The following STPG2 variants were observed in gnomAD, a reference collection of about 807,000 sequenced individuals.
STPG2 encodes the protein sperm-tail PG-rich repeat-containing protein 2.
In STPG2, 56 loss-of-function variants were observed where a neutral mutation model predicts 54.2. The ratio of observed to expected loss-of-function variants is 1.03; its 90% CI spans 0.83 to 1.29. STPG2 has a LOEUF of 1.29. STPG2 is among the 50% of genes most tolerant of loss of function. The pLI, the probability that STPG2 is intolerant of heterozygous loss-of-function variation, is 0.00. For missense variants in STPG2, 596 were observed against 544.9 expected (o/e 1.09, Z -0.93); for synonymous variants, 200 against 181.8 (o/e 1.10, Z -0.81).
At chr4:97,736,992 G>A (rs111701490) in intron 9 of STPG2, among the ~76,000 whole-genome samples, 2,798 of 152,194 alleles carry the variant, frequency 0.018, 75 homozygotes, top group African/African-American at 0.064. Context: ...TCACACGGCC[G>A]GGTACTCCTC....
intron 10 of STPG2, among the ~76,000 whole-genome samples, chr4:97,560,228 ACT>A (rs1457260772): frequency 2.0e-5 from 3 of 152,110 alleles, no homozygotes; most frequent in East Asian, 1.9e-4. Flanking sequence ...TCGGAAAATT[ACT>A]CTGTTTCCTA....
At chr4:97,659,166 G>A (rs989478367) in intron 10 of STPG2, among the ~76,000 whole-genome samples, 2 of 152,074 alleles carry the variant, frequency 1.3e-5, no homozygotes, top group African/African-American at 2.4e-5. Flanking sequence ...ACTTCTCCAG[G>A]AATCAAGATG....
intron 5 of STPG2, among the ~76,000 whole-genome samples, chr4:98,013,672 T>C (rs7659593): frequency 0.4 from 58,546 of 147,938 alleles, 11,811 homozygotes; most frequent in Middle Eastern, 0.47. Context: ...TTCAGGGATA[T>C]GATTTCTTCA....
At chr4:97,959,519 A>C (rs1011945580) in intron 7 of STPG2, among the ~76,000 whole-genome samples, 2 of 152,158 alleles carry the variant, frequency 1.3e-5, no homozygotes, top group Non-Finnish European at 2.9e-5. Flanking sequence ...AAAATGGGAC[A>C]TATTACAACT....
chr4:97,747,423 G>T (rs755829850), intron 9 of STPG2, among the ~76,000 whole-genome samples: 3 of 151,324 alleles, frequency 2.0e-5, no homozygotes, highest in African/African-American at 7.3e-5. Context: ...TTTTTTAAGA[G>T]AATCAAAGAG....
chr4:97,744,418 T>C (rs972597305), intron 9 of STPG2, among the ~76,000 whole-genome samples: 9 of 151,240 alleles, frequency 6.0e-5, no homozygotes, highest in Non-Finnish European at 1.0e-4. Flanking sequence ...CTCATGTGTA[T>C]TCAATTCCAA....
intron 5 of STPG2, among the ~76,000 whole-genome samples, chr4:98,103,112 T>G (rs1227855920): frequency 1.8e-5 from 1 of 56,474 alleles, no homozygotes; most frequent in Non-Finnish European, 4.1e-5. Context: ...CCATGAGCTC[T>G]TCTTTTAAAC....
At chr4:97,728,843 C>T (rs1724701799) in intron 9 of STPG2, among the ~76,000 whole-genome samples, 2 of 151,972 alleles carry the variant, frequency 1.3e-5, no homozygotes, top group South Asian at 4.2e-4. Context: ...CTTATCCCTA[C>T]AAATATCTCC....
rs184524030 is a variant in STPG2 at position 98,064,294 on chromosome 4, A to G, written c.612+41659T>C. The stretch of plus-strand genomic sequence containing the variant: ...TTATGAAATAAACAACTTTGACACC[A>G]TAGTTTGACATTCTTGTTATCGCTA... On this transcript the variant is annotated intron_variant, in intron 5 of 10. Transcript: ENST00000295268. Among the ~76,000 whole-genome samples, 231 of 152,358 alleles carry G rather than the reference A, an allele frequency of 1.5e-3. 1 individual carries two copies. The highest frequency in any genetic ancestry group is 5.4e-3 in the African/African-American group (223 of 41,588).
At chr4:98,125,419 G>T (rs889806716) in intron 3 of STPG2, among the ~76,000 whole-genome samples, 2 of 151,960 alleles carry the variant, frequency 1.3e-5, no homozygotes, top group African/African-American at 4.8e-5. Context: ...TTAACATCAG[G>T]GCCCTCCTCT....
chr4:97,845,400 G>A (rs1001229576), intron 8 of STPG2, among the ~76,000 whole-genome samples: 4 of 151,716 alleles, frequency 2.6e-5, no homozygotes, highest in African/African-American at 9.7e-5. Context: ...TATTCTATTC[G>A]ATCTCTTAAG....
intron 5 of STPG2, among the ~76,000 whole-genome samples, chr4:98,083,149 C>G (rs1289008031): frequency 6.6e-6 from 1 of 152,116 alleles, no homozygotes; most frequent in East Asian, 1.9e-4. Flanking sequence ...TCTTTCACCC[C>G]ACTTCCACTA....
chr4:97,774,298 A>G lies in STPG2; in HGVS notation c.1205-61484T>C, dbSNP rs564482044. ...ATTTGGCATAAAACCATATTTCACAATGTCTGGGGTACAGGACCTTCTTAC... is the reference window on the plus strand; with the variant it reads ...ATTTGGCATAAAACCATATTTCACAGTGTCTGGGGTACAGGACCTTCTTAC... On this transcript the variant is annotated intron_variant, in intron 9 of 10. Coordinates refer to ENST00000295268, the MANE Select transcript of STPG2 (RefSeq NM_174952.3). 1.7e-3 allele frequency among the ~76,000 whole-genome samples: 266 copies of G among 152,208 alleles called. 2 individuals are homozygous for G. Among genetic ancestry groups the G allele is most frequent in the African/African-American group, 6.0e-3 (248 of 41,512 alleles).
At chr4:97,654,173 G>A (rs1722155974) in intron 10 of STPG2, among the ~76,000 whole-genome samples, 1 of 152,012 alleles carries the variant, frequency 6.6e-6, no homozygotes, top group Non-Finnish European at 1.5e-5. Flanking sequence ...ACAAATGGAA[G>A]GTATCTACAG....
intron 9 of STPG2, among the ~76,000 whole-genome samples, chr4:97,719,808 TTTC>T (rs956941417): frequency 1.3e-5 from 2 of 151,992 alleles, no homozygotes; most frequent in African/African-American, 4.8e-5. Flanking sequence ...GTCATTTTAC[TTTC>T]TTTTTAGTAA....
chr4:97,679,315 A>G (rs1252389625), intron 10 of STPG2, among the ~76,000 whole-genome samples: 1 of 151,846 alleles, frequency 6.6e-6, no homozygotes, highest in African/African-American at 2.4e-5. Context: ...AATGATTGCC[A>G]TTCTAACTGG....
intron 10 of STPG2, among the ~76,000 whole-genome samples, chr4:97,560,108 C>A (rs973747514): frequency 3.9e-5 from 6 of 152,060 alleles, no homozygotes. Context: ...CCATGATGAC[C>A]CTTAGGATAA....
intron 10 of STPG2, among the ~76,000 whole-genome samples, chr4:97,655,770 G>T (rs1035380322): frequency 2.6e-5 from 4 of 151,908 alleles, no homozygotes; most frequent in Non-Finnish European, 5.9e-5. Flanking sequence ...TTAAATTTGG[G>T]AATTATACAA....
At chr4:98,141,235 A>G (rs553088573) in intron 1 of STPG2, among the ~76,000 whole-genome samples, 2 of 152,320 alleles carry the variant, frequency 1.3e-5, no homozygotes, top group African/African-American at 4.8e-5. Context: ...TTACCTAAAA[A>G]TATATTTCCT....
Sources: allele counts gnomAD v4.1 joint callset (sites outside exome capture counted in the v4.1 genomes callset), GRCh38; gene constraint gnomAD v4.1.1; transcripts MANE v1.5; gene names NCBI Gene and HGNC (gene_info 2026-07-23, HGNC 2026-07-21).